CEP63: variants seen among roughly 807,000 people sequenced by gnomAD.
CEP63 encodes the protein centrosomal protein of 63 kDa.
CEP63 carries 84 observed loss-of-function variants against 89.1 expected under a neutral mutation model. That is an observed-to-expected ratio of 0.94 (90% CI 0.79 to 1.13). The LOEUF (loss-of-function observed/expected upper bound fraction) is 1.13, where lower values mean the gene tolerates loss of function less well. Among genes scored for constraint, CEP63 ranks in the 50% most tolerant of loss-of-function variants. The probability of loss-of-function intolerance (pLI) is 0.00; values close to 1 mark genes in which losing one functional copy is unlikely to be tolerated. For synonymous variants in CEP63, 267 were observed against 272.5 expected (o/e 0.98, Z 0.20); for missense variants, 838 against 813.3 (o/e 1.03, Z -0.37).
chr3:134,541,927 C>T (rs941590432), intron 6 of CEP63, among the ~76,000 whole-genome samples: 1 of 152,118 alleles, frequency 6.6e-6, no homozygotes, highest in East Asian at 1.9e-4. Flanking sequence ...ACAAAAGAGT[C>T]GTGGTTATAT....
chr3:134,548,980 A>G (rs1398426517), intron 9 of CEP63, 82 bp from the exon 10 acceptor site: 1 of 810,472 alleles, frequency 1.2e-6, no homozygotes, highest in Non-Finnish European at 2.2e-6. Flanking sequence ...TTTTTTGGAT[A>G]TCAAGAATGT....
the CEP63 span, among the ~76,000 whole-genome samples, chr3:134,776,037 G>A: frequency 9.9e-5 from 15 of 152,186 alleles, no homozygotes; most frequent in East Asian, 5.8e-4. Context: ...CTCCCCACCC[G>A]GTAGTCTGTG....
At chr3:134,619,322 C>T in the CEP63 span, 1 of 1,294,660 alleles carries the variant, frequency 7.7e-7, no homozygotes, top group Admixed American at 1.7e-5. Context: ...GAGAAGACTC[C>T]ACCCCAACCC....
chr3:134,767,615 T>C, the CEP63 span, among the ~76,000 whole-genome samples: 1 of 152,192 alleles, frequency 6.6e-6, no homozygotes, highest in Non-Finnish European at 1.5e-5. Flanking sequence ...ATGGGCCTTG[T>C]AGGTGAAGTA....
intron 2 of CEP63, among the ~76,000 whole-genome samples, chr3:134,501,483 GTT>G (rs751412807): frequency 7.8e-4 from 118 of 152,158 alleles, no homozygotes; most frequent in Non-Finnish European, 1.4e-3. Context: ...TTTTCTATTT[GTT>G]TATGTCATCT....
the CEP63 span, among the ~76,000 whole-genome samples, chr3:134,665,993 G>A: frequency 5.3e-5 from 8 of 152,004 alleles, no homozygotes; most frequent in Non-Finnish European, 1.0e-4. Flanking sequence ...AACAGAAACA[G>A]AATGAAGGGA....
intron 3 of CEP63, among the ~76,000 whole-genome samples, chr3:134,530,614 T>C (rs1228518902): frequency 6.6e-6 from 1 of 152,192 alleles, no homozygotes; most frequent in East Asian, 1.9e-4. Context: ...TTAAAATTAC[T>C]TTTTCATTAG....
chr3:134,704,603 G>A, the CEP63 span, among the ~76,000 whole-genome samples: 69 of 152,366 alleles, frequency 4.5e-4, 1 homozygote, highest in African/African-American at 1.3e-3. Flanking sequence ...CTGTCCATGG[G>A]GAGACATTTC....
the CEP63 span, chr3:134,603,636 C>T: frequency 3.1e-6 from 5 of 1,610,928 alleles, no homozygotes; most frequent in African/African-American, 6.7e-5. Context: ...GGTTGGCATT[C>T]TCCAGCACCA....
the CEP63 span, among the ~76,000 whole-genome samples, chr3:134,707,920 G>A: frequency 4.2e-4 from 64 of 152,098 alleles, no homozygotes; most frequent in African/African-American, 1.5e-3. Context: ...GAGCTGGGAG[G>A]GTTCATCTGG....
chr3:134,697,431 G>C, the CEP63 span, among the ~76,000 whole-genome samples: 1 of 152,136 alleles, frequency 6.6e-6, no homozygotes, highest in Non-Finnish European at 1.5e-5. Context: ...TTTTGGGCAC[G>C]TGGCTTTCTG....
intron 3 of CEP63, among the ~76,000 whole-genome samples, chr3:134,516,929 A>G (rs549187280): frequency 6.6e-6 from 1 of 152,246 alleles, no homozygotes; most frequent in South Asian, 2.1e-4. Context: ...AGCTGCTTAG[A>G]TGAAATCTGG....
chr3:134,549,087 A>G lies in CEP63; in HGVS notation c.1093A>G (p.Lys365Glu). 1 of 1,613,244 alleles carries G rather than the reference A, an allele frequency of 6.2e-7. No homozygotes were observed. The highest frequency in any genetic ancestry group is 8.5e-7 in the Non-Finnish European group (1 of 1,179,234). The change falls in exon 10 of 15, where the codon AAA (lysine) becomes GAA (glutamate). Residue 365 changes from lysine to glutamate, a missense_variant. Lys to Glu is a moderately conservative substitution (Grantham distance 56). Coordinates refer to ENST00000675561, the MANE Select transcript of CEP63 (RefSeq NM_001353108.3). ...TTTGGAATCTGTGAGTGCAACGTGT[A>G]AACAGCTGAGCCAAGAACTAATGGA... The part of the protein sequence containing the change: ...GSLESVSATC[K>E]QLSQELMEKY...
intron 11 of CEP63, 111 bp from the exon 12 acceptor site, chr3:134,551,815 A>T: frequency 2.5e-6 from 1 of 395,056 alleles, no homozygotes. Context: ...ATGTATATAT[A>T]TATAAATGAA....
At chr3:134,578,711 C>A (rs1374546569), downstream of CEP63, among the ~76,000 whole-genome samples, 1 of 152,168 alleles carries the variant, frequency 6.6e-6, no homozygotes, top group Non-Finnish European at 1.5e-5. Flanking sequence ...TAAATGTCTT[C>A]TTTTGAGAAG....
chr3:134,721,108 T>A, the CEP63 span, among the ~76,000 whole-genome samples: 1 of 152,252 alleles, frequency 6.6e-6, no homozygotes, highest in East Asian at 1.9e-4. Context: ...TAGCATGGTA[T>A]GTCTTTCCAC....
At chr3:134,694,893 G>T in the CEP63 span, among the ~76,000 whole-genome samples, 1 of 152,208 alleles carries the variant, frequency 6.6e-6, no homozygotes, top group South Asian at 2.1e-4. Context: ...GTGGGTGTGT[G>T]CACATGTGTG....
intron 3 of CEP63, among the ~76,000 whole-genome samples, chr3:134,519,276 A>T (rs1452869584): frequency 6.6e-6 from 1 of 150,626 alleles, no homozygotes; most frequent in Non-Finnish European, 1.5e-5. Context: ...GGTGCGCACC[A>T]CCATGCCCGG....
At chr3:134,575,549 G>C (rs1487526753), downstream of CEP63, among the ~76,000 whole-genome samples, 1 of 114,282 alleles carries the variant, frequency 8.8e-6, no homozygotes, top group Non-Finnish European at 1.7e-5. Context: ...TTTCTTTGGA[G>C]ACAGGGTCTC....
Sources: allele counts gnomAD v4.1 joint callset (sites outside exome capture counted in the v4.1 genomes callset), GRCh38; gene constraint gnomAD v4.1.1; transcripts MANE v1.5; gene names NCBI Gene and HGNC (gene_info 2026-07-23, HGNC 2026-07-21).